SREBF1: variants seen among roughly 807,000 people sequenced by gnomAD.
SREBF1 encodes the protein sterol regulatory element binding transcription factor 1.
In SREBF1, 45 loss-of-function variants were observed where a neutral mutation model predicts 100.1. The observed-to-expected ratio is 0.45, with a 90% CI of 0.35 to 0.58. SREBF1 has a LOEUF of 0.58. Ranked by LOEUF, SREBF1 falls within the 20% of genes least tolerant of loss-of-function variation. The pLI is 0.00. For missense variants in SREBF1, 1,324 were observed against 1,539.4 expected, an observed-to-expected ratio of 0.86 and a Z score of 2.34; for synonymous variants, 657 against 681.8, an observed-to-expected ratio of 0.96 and a Z score of 0.57.
intron 1 of SREBF1, among the ~76,000 whole-genome samples, chr17:17,833,900 G>A (rs1161056687): frequency 6.6e-6 from 1 of 152,066 alleles, no homozygotes; most frequent in African/African-American, 2.4e-5. Context: ...GAACCTGAGA[G>A]GCAGAGTTTG....
chr17:17,833,135 C>T (rs2034977775), intron 1 of SREBF1, among the ~76,000 whole-genome samples: 1 of 151,770 alleles, frequency 6.6e-6, no homozygotes. Context: ...TATAAAAATA[C>T]AGATCCAGCC....
At chr17:17,835,498 G>A (rs2035170305) in intron 1 of SREBF1, among the ~76,000 whole-genome samples, 1 of 152,200 alleles carries the variant, frequency 6.6e-6, no homozygotes, top group Non-Finnish European at 1.5e-5. Flanking sequence ...AGTGGTGGTG[G>A]CATAGATATA....
chr17:17,815,182 G>C (rs367863132), intron 13 of SREBF1, 39 bp downstream of exon 13: 1 of 1,578,058 alleles, frequency 6.3e-7, no homozygotes, highest in East Asian at 2.2e-5. Flanking sequence ...GAATCCCGCC[G>C]GAGGGGCCTT....
intron 1 of SREBF1, among the ~76,000 whole-genome samples, chr17:17,834,096 G>A (rs946139423): frequency 3.3e-5 from 5 of 151,986 alleles, no homozygotes; most frequent in Non-Finnish European, 5.9e-5. Flanking sequence ...TGGGTGGTAG[G>A]TTTAAAGTTT....
intron 1 of SREBF1, among the ~76,000 whole-genome samples, chr17:17,827,160 G>A (rs780222696): frequency 2.0e-5 from 3 of 152,232 alleles, no homozygotes; most frequent in East Asian, 1.9e-4. Flanking sequence ...TAGGAGGAGC[G>A]GAGGCAGTGA....
intron 1 of SREBF1, 44 bp downstream of exon 1, chr17:17,836,683 C>T (rs2035260301): frequency 2.0e-6 from 3 of 1,530,112 alleles, no homozygotes; most frequent in Middle Eastern, 1.7e-4. Context: ...GCCCCCTACT[C>T]GCGCCACCCG....
intron 6 of SREBF1, 172 bp from the exon 7 acceptor site, chr17:17,818,088 A>T: frequency 1.3e-6 from 1 of 795,576 alleles, no homozygotes; most frequent in Non-Finnish European, 2.1e-6. Context: ...TCAGGACCAG[A>T]GGTAACCAAG....
In SREBF1 at chr17:17,815,241, A is replaced by G. The variant is rs755722353; in HGVS notation, c.2472T>C (p.Pro824=). 2 of 1,613,598 alleles carry G rather than the reference A, an allele frequency of 1.2e-6. No homozygotes were observed. The highest frequency in any genetic ancestry group is 1.3e-5 in the African/African-American group (1 of 75,068). The part of the protein sequence containing the change: ...LNCVTQPNPS[P]GSADGDKEFS... ...CTTACTTGTCCCCATCAGCTGACCC[A>G]GGGCTGGGGTTGGGCTGGGTCACAC... The change falls in exon 13 of 19, where the codon CCT becomes CCC. Residue 824 remains proline (P), a synonymous_variant. Transcript: ENST00000261646.
At position 17,816,761 on chromosome 17, in the gene SREBF1, C is replaced by G. The variant is rs1343870736; in HGVS notation, c.1786-43G>C. 2.6e-6 allele frequency: 4 copies of G among 1,566,364 alleles called. No individual in the cohort carries two copies. The East Asian group carries it at 9.4e-5, about 37-fold the overall frequency. ...CCAGGTGAGAAAAGTGAGGTCAGAG[C>G]AGCTGCCCCAAAGCTCAGAAGAGCC... On this transcript the variant is annotated intron_variant, in intron 9 of 18. Transcript: ENST00000261646.
chr17:17,823,582 C>T, intron 1 of SREBF1: 1 of 1,613,202 alleles, frequency 6.2e-7, no homozygotes, highest in Non-Finnish European at 8.5e-7. Flanking sequence ...GGCCGTTGGC[C>T]CTACCCCTCC....
Position 17,814,925 on chromosome 17 carries a change from C to T in SREBF1, c.2512G>A (p.Gly838Arg), listed in dbSNP as rs761768810. The change falls in exon 14 of 19, where the codon GGG becomes AGG. Residue 838 changes from glycine to arginine, a missense_variant. Transcript: ENST00000261646. ...DGDKEFSDAL[G>R]YLQLLNSCSD... ...CAGCTGTTCAGCAGCTGCAGGTACC[C>T]GAGGGCATCCGAGAATTCCCTGTGG... 9 of 1,568,486 alleles carry T rather than the reference C, an allele frequency of 5.7e-6. No individual in the cohort carries two copies. The highest frequency in any genetic ancestry group is 2.3e-5 in the East Asian group (1 of 42,920).
chr17:17,828,822 G>A (rs2143081468), intron 1 of SREBF1, among the ~76,000 whole-genome samples: 1 of 152,260 alleles, frequency 6.6e-6, no homozygotes, highest in East Asian at 1.9e-4. Flanking sequence ...GCTGAGGTGG[G>A]AGGATCCCTT....
chr17:17,823,553 C>A (rs776507816), intron 1 of SREBF1: 5 of 1,613,646 alleles, frequency 3.1e-6, no homozygotes, highest in Non-Finnish European at 2.5e-6. Context: ...GCGATCTGCG[C>A]CCGCCCTTGG....
intron 1 of SREBF1, among the ~76,000 whole-genome samples, chr17:17,827,380 G>A (rs1019962424): frequency 6.6e-6 from 1 of 152,200 alleles, no homozygotes; most frequent in Non-Finnish European, 1.5e-5. Flanking sequence ...GGATTCCAGA[G>A]CACACCCTCT....
rs778947924 is a variant in SREBF1 at position 17,818,290 on chromosome 17, G to T, written c.1153C>A (p.Leu385Ile). The change falls in exon 6 of 19, where the codon CTA becomes ATA. Residue 385 changes from leucine to isoleucine, a missense_variant. By Grantham distance (5) the Leu-to-Ile change is conservative. Coordinates refer to ENST00000261646, the MANE Select transcript of SREBF1 (RefSeq NM_004176.5). Reference sequence around the variant, plus strand: ...TTGTGGACAGCAGTGCGCAGACTTAGGTTCTCCTGCTTGAGTTTCTGGTTG... The same window carrying T: ...TTGTGGACAGCAGTGCGCAGACTTATGTTCTCCTGCTTGAGTTTCTGGTTG... ...HSNQKLKQEN[L>I]SLRTAVHKSK... 1.2e-6 allele frequency: 2 copies of T among 1,614,068 alleles called. No individual in the cohort carries two copies. The highest frequency in any genetic ancestry group is 1.7e-6 in the Non-Finnish European group (2 of 1,180,024).
Position 17,818,697 on chromosome 17 carries a change from C to T in SREBF1, c.1068+316G>A, listed in dbSNP as rs2033844580. On this transcript the variant is annotated intron_variant, in intron 5 of 18. Transcript: ENST00000261646. ...CCTGCTTTCTCTGCAACGAGCCAAA[C>T]GTGGTGGTCTCGAGCACTTATTCAT... 5 of 552,000 alleles carry T rather than the reference C, an allele frequency of 9.1e-6. No individual in the cohort carries two copies. The South Asian group carries it at 1.0e-4, about 11-fold the overall frequency. The allele number at this position is 552,000 out of a possible 1,614,324, so 34.2% of individuals were successfully genotyped here.
At chr17:17,831,257 G>A (rs181872273) in intron 1 of SREBF1, among the ~76,000 whole-genome samples, 338 of 151,902 alleles carry the variant, frequency 2.2e-3, no homozygotes, top group Non-Finnish European at 2.4e-3. Flanking sequence ...ATCCTGGGGA[G>A]AGGTATGGGG....
rs34882915 is a variant in SREBF1, at chr17:17,814,260, G to C, written c.2886C>G (p.Ser962Arg). The change falls in exon 16 of 19, where the codon AGC (serine) becomes AGG (arginine). Residue 962 changes from serine (S) to arginine (R), a missense_variant. By Grantham distance (110) the Ser-to-Arg change is moderately radical (BLOSUM62 -1). Coordinates refer to ENST00000261646, the MANE Select transcript of SREBF1 (RefSeq NM_004176.5). ...LQDSLATTPASSSIDKAVQLF... is the reference protein window; with the variant it reads ...LQDSLATTPARSSIDKAVQLF... The stretch of plus-strand genomic sequence containing the variant: ...CACCCCTCACCTTGTCAATGGAGCT[G>C]CTGGCTGGTGTGGTAGCCAGGCTGT... The C allele has an allele frequency of 1.9e-5, 31 of 1,605,282 alleles. No individual in the cohort carries two copies. The African/African-American group carries it at 3.6e-4, about 19-fold the overall frequency.
At chr17:17,830,583 T>C (rs976160714) in intron 1 of SREBF1, among the ~76,000 whole-genome samples, 1 of 152,222 alleles carries the variant, frequency 6.6e-6, no homozygotes, top group Non-Finnish European at 1.5e-5. Flanking sequence ...AGGGGCAGCA[T>C]GCAGAGGCAA....
Sources: gnomAD v4.1 joint callset for allele counts (sites outside exome capture counted in the v4.1 genomes callset) on GRCh38, gnomAD v4.1.1 for gene constraint, MANE v1.5 for transcripts, NCBI Gene and HGNC (gene_info 2026-07-23, HGNC 2026-07-21) for gene names.